The following GABRG3 variants were observed in gnomAD, a reference collection of about 807,000 sequenced individuals.
The protein encoded by GABRG3 is gamma-aminobutyric acid receptor subunit gamma-3.
In GABRG3, 25 loss-of-function variants were observed where a neutral mutation model predicts 48.8. That is an observed-to-expected ratio of 0.51 (90% CI 0.37 to 0.72). The LOEUF is 0.72. Among genes scored for constraint, GABRG3 ranks in the 30% least tolerant of loss-of-function variants. GABRG3 has a pLI of 0.00. For synonymous variants in GABRG3, 227 were observed against 217.6 expected, an observed-to-expected ratio of 1.04 and a Z score of -0.38; for missense variants, 394 against 577.9, an observed-to-expected ratio of 0.68 and a Z score of 3.26.
At chr15:27,016,240 C>CTTTTTTT (rs34202673) in intron 2 of GABRG3, among the ~76,000 whole-genome samples, 1 of 140,714 alleles carries the variant, frequency 7.1e-6, no homozygotes, top group African/African-American at 2.6e-5. Flanking sequence ...TTCTTTCTTT[C>CTTTTTTT]TTTTTTTTTT....
intron 5 of GABRG3, among the ~76,000 whole-genome samples, chr15:27,418,226 G>T (rs966909751): frequency 6.6e-6 from 1 of 152,204 alleles, no homozygotes; most frequent in East Asian, 1.9e-4. Context: ...AGTACTCCAG[G>T]CCATAGCAGC....
chr15:27,109,965 T>TTATA (rs1422115643), intron 3 of GABRG3, among the ~76,000 whole-genome samples: 2 of 152,212 alleles, frequency 1.3e-5, no homozygotes, highest in Non-Finnish European at 2.9e-5. Flanking sequence ...TTGTTTGTGT[T>TTATA]TATATCCACT....
chr15:27,292,734 T>C (rs2140487421), intron 3 of GABRG3, among the ~76,000 whole-genome samples: 1 of 152,208 alleles, frequency 6.6e-6, no homozygotes, highest in East Asian at 1.9e-4. Flanking sequence ...AGCAGACAGA[T>C]GGGGGAGAAG....
At chr15:27,283,961 G>A (rs542856818) in intron 3 of GABRG3, among the ~76,000 whole-genome samples, 3 of 152,316 alleles carry the variant, frequency 2.0e-5, no homozygotes, top group Non-Finnish European at 2.9e-5. Context: ...TTTTCTAAGA[G>A]AGGAAAACTC....
chr15:27,205,363 A>G (rs151126764), intron 3 of GABRG3, among the ~76,000 whole-genome samples: 271 of 152,198 alleles, frequency 1.8e-3, no homozygotes, highest in African/African-American at 6.4e-3. Context: ...ACATTTATTG[A>G]TTTGCATATG....
chr15:27,297,023 G>A (rs764218456), intron 3 of GABRG3, among the ~76,000 whole-genome samples: 9 of 151,900 alleles, frequency 5.9e-5, no homozygotes, highest in East Asian at 1.9e-4. Flanking sequence ...CTGACCCTGT[G>A]TAGGCCTAGG....
intron 3 of GABRG3, among the ~76,000 whole-genome samples, chr15:27,102,347 C>T (rs943368862): frequency 3.9e-5 from 6 of 152,274 alleles, no homozygotes; most frequent in African/African-American, 7.2e-5. Context: ...AGAATTTCCA[C>T]GAGGGAGCTA....
At position 27,028,174 on chromosome 15, in the gene GABRG3, C is replaced by T. The variant is rs995376913; in HGVS notation, c.270+1353C>T. Among the ~76,000 whole-genome samples the T allele has an allele frequency of 3.3e-5, 5 of 152,198 alleles. No homozygotes were observed. In the East Asian group the frequency reaches 9.6e-4, roughly 29 times the overall value. On this transcript the variant is annotated intron_variant, in intron 3 of 9. Transcript: ENST00000615808. ...AGGCCGAGTGAGTGACAGGCTCCTT[C>T]ACGGTGATACGGCCCTGCTGCAGGA...
At chr15:27,264,460 C>G (rs993526223) in intron 3 of GABRG3, among the ~76,000 whole-genome samples, 1 of 151,854 alleles carries the variant, frequency 6.6e-6, no homozygotes, top group Non-Finnish European at 1.5e-5. Flanking sequence ...CATTTAAAAC[C>G]AAACATCAGT....
intron 3 of GABRG3, among the ~76,000 whole-genome samples, chr15:27,070,612 T>A (rs994223333): frequency 1.3e-5 from 2 of 152,200 alleles, no homozygotes; most frequent in African/African-American, 4.8e-5. Context: ...GAGATTGAAG[T>A]AGAGGATTTG....
chr15:27,210,021 TA>T (rs1364264939), intron 3 of GABRG3, among the ~76,000 whole-genome samples: 1 of 152,190 alleles, frequency 6.6e-6, no homozygotes, highest in Non-Finnish European at 1.5e-5. Flanking sequence ...GTTACCTTTT[TA>T]AGGGCTTCAC....
chr15:27,417,632 C>T (rs1887980600), intron 5 of GABRG3, among the ~76,000 whole-genome samples: 1 of 152,220 alleles, frequency 6.6e-6, no homozygotes, highest in Non-Finnish European at 1.5e-5. Flanking sequence ...CCCACAAGCT[C>T]CCTCAAATGC....
chr15:26,973,279 C>A (rs1894879092), intron 1 of GABRG3, among the ~76,000 whole-genome samples: 2 of 152,194 alleles, frequency 1.3e-5, no homozygotes, highest in South Asian at 2.1e-4. Context: ...TACACAAAAT[C>A]TCTTGGGATT....
At chr15:27,003,512 C>T (rs1284618261) in intron 2 of GABRG3, among the ~76,000 whole-genome samples, 1 of 152,102 alleles carries the variant, frequency 6.6e-6, no homozygotes, top group African/African-American at 2.4e-5. Flanking sequence ...GGACACAGCA[C>T]ATGTTTCAGA....
At position 27,236,108 on chromosome 15, in the gene GABRG3, G is replaced by C. The variant is rs1196175112; in HGVS notation, c.271-90701G>C. Among the ~76,000 whole-genome samples the C allele has an allele frequency of 6.6e-6, 1 of 152,058 alleles. No homozygotes were observed. The highest frequency in any genetic ancestry group is 2.4e-5 in the African/African-American group (1 of 41,414). Reference sequence around the variant, plus strand: ...TGGTCTCCTAGTTATATATATTTTTGGCTGGTGTGTCCTGAGCCCCATCAG... The same window carrying C: ...TGGTCTCCTAGTTATATATATTTTTCGCTGGTGTGTCCTGAGCCCCATCAG... On this transcript the variant is annotated intron_variant, in intron 3 of 9. Coordinates refer to ENST00000615808, the MANE Select transcript of GABRG3 (RefSeq NM_033223.5). The surrounding 1 kb of genome is among the most constrained non-coding windows in gnomAD (Gnocchi z 4.4).
chr15:27,065,541 C>G (rs1161028620), intron 3 of GABRG3, among the ~76,000 whole-genome samples: 1 of 152,150 alleles, frequency 6.6e-6, no homozygotes, highest in Non-Finnish European at 1.5e-5. Context: ...CTTCCATTCC[C>G]AATATCCCCT....
At chr15:27,486,463 A>G (rs1260691463) in intron 6 of GABRG3, among the ~76,000 whole-genome samples, 2 of 152,210 alleles carry the variant, frequency 1.3e-5, no homozygotes, top group Non-Finnish European at 2.9e-5. Context: ...CCAAACTCAA[A>G]AAAAGTATTC....
chr15:26,989,667 A>G (rs1468399597), intron 2 of GABRG3, among the ~76,000 whole-genome samples: 1 of 152,200 alleles, frequency 6.6e-6, no homozygotes, highest in Non-Finnish European at 1.5e-5. Context: ...AAAATGTACA[A>G]TTAAATTATT....
intron 3 of GABRG3, among the ~76,000 whole-genome samples, chr15:27,162,764 G>A (rs920544036): frequency 1.3e-5 from 2 of 152,102 alleles, no homozygotes; most frequent in African/African-American, 4.8e-5. Context: ...ATTGGCAGGA[G>A]GTATGAGGGT....
Sources: allele counts gnomAD v4.1 joint callset (sites outside exome capture counted in the v4.1 genomes callset), GRCh38; gene constraint gnomAD v4.1.1; non-coding constraint Gnocchi (gnomAD v3.1); transcripts MANE v1.5; gene names NCBI Gene and HGNC (gene_info 2026-07-23, HGNC 2026-07-21).